Variants in NAALADL2 observed in about 807,000 individuals in gnomAD.
NAALADL2 encodes the protein N-acetylated alpha-linked acidic dipeptidase like 2.
In NAALADL2, 76 loss-of-function variants were observed where a neutral mutation model predicts 87.2. The ratio of observed to expected loss-of-function variants is 0.87; its 90% confidence interval spans 0.72 to 1.05. The LOEUF (loss-of-function observed/expected upper bound fraction) is 1.05, where lower values mean the gene tolerates loss of function less well. Ranked by LOEUF, NAALADL2 falls within the 50% of genes least tolerant of loss-of-function variation. NAALADL2 has a pLI of 0.00. For missense variants in NAALADL2, 1,089 were observed against 945.8 expected (o/e 1.15, Z -1.99); for synonymous variants, 354 against 331.0 (o/e 1.07, Z -0.75).
intron 3 of NAALADL2, among the ~76,000 whole-genome samples, chr3:174,775,204 T>G (rs1170364578): frequency 1.3e-5 from 2 of 152,124 alleles, no homozygotes; most frequent in Non-Finnish European, 2.9e-5. Flanking sequence ...TTTTATTATA[T>G]TCACATAGTG....
chr3:175,425,241 G>A (rs75197333), intron 5 of NAALADL2, among the ~76,000 whole-genome samples: 2,411 of 152,150 alleles, frequency 0.016, 72 homozygotes, highest in African/African-American at 0.054. Context: ...AATATGTAAC[G>A]TGAGGTTCTG....
At chr3:175,094,639 A>G (rs1389032623) in intron 1 of NAALADL2, among the ~76,000 whole-genome samples, 1 of 151,798 alleles carries the variant, frequency 6.6e-6, no homozygotes, top group East Asian at 1.9e-4. Context: ...AGATGGAGGG[A>G]GGGAGGGAAA....
At chr3:175,529,295 A>G (rs915063814) in intron 9 of NAALADL2, among the ~76,000 whole-genome samples, 1 of 152,180 alleles carries the variant, frequency 6.6e-6, no homozygotes, top group Non-Finnish European at 1.5e-5. Flanking sequence ...CCAGATGGCA[A>G]TCTTAACTTC....
At chr3:175,166,935 C>G (rs1472989278) in intron 2 of NAALADL2, among the ~76,000 whole-genome samples, 1 of 152,048 alleles carries the variant, frequency 6.6e-6, no homozygotes, top group Non-Finnish European at 1.5e-5. Flanking sequence ...TAACTCACCT[C>G]TAATCAATCA....
intron 11 of NAALADL2, chr3:175,674,953 A>G (rs1560957021): frequency 6.6e-6 from 1 of 152,224 alleles, no homozygotes; most frequent in Admixed American, 6.5e-5. Context: ...GAAGCAAAGT[A>G]TAATACTGCT....
chr3:175,657,832 TC>T (rs2149804011), intron 11 of NAALADL2, among the ~76,000 whole-genome samples: 1 of 152,154 alleles, frequency 6.6e-6, no homozygotes, highest in Non-Finnish European at 1.5e-5. Context: ...CGTCTCAGCC[TC>T]CCAAAGTGCT....
At chr3:175,013,105 TATTTATATATAAATATAC>T (rs1750173854) in intron 1 of NAALADL2, among the ~76,000 whole-genome samples, 1 of 4,886 alleles carries the variant, frequency 2.0e-4, no homozygotes, top group Non-Finnish European at 3.0e-4. Flanking sequence ...TAAATATACA[TATTTATATATAAATATAC>T]ATATTTATAT....
intron 11 of NAALADL2, among the ~76,000 whole-genome samples, chr3:175,691,743 A>G (rs1487398166): frequency 6.6e-6 from 1 of 152,040 alleles, no homozygotes; most frequent in East Asian, 1.9e-4. Flanking sequence ...ATATATTAAG[A>G]TTTTTCTAAT....
intron 5 of NAALADL2, among the ~76,000 whole-genome samples, chr3:175,338,733 C>A (rs890537544): frequency 2.6e-5 from 4 of 151,042 alleles, no homozygotes; most frequent in Non-Finnish European, 5.9e-5. Flanking sequence ...GCAAAACCAC[C>A]CACTAAAGTG....
chr3:175,339,524 T>C (rs1362967607), intron 5 of NAALADL2, among the ~76,000 whole-genome samples: 2 of 152,218 alleles, frequency 1.3e-5, no homozygotes, highest in African/African-American at 2.4e-5. Flanking sequence ...GAATGATGTC[T>C]TATATTTGTC....
intron 11 of NAALADL2, among the ~76,000 whole-genome samples, chr3:175,656,335 T>G (rs1352672194): frequency 6.6e-6 from 1 of 152,182 alleles, no homozygotes; most frequent in East Asian, 1.9e-4. Context: ...CTATATAAAA[T>G]TATCTTTCAG....
At chr3:175,432,256 AG>A (rs1177052463) in intron 5 of NAALADL2, among the ~76,000 whole-genome samples, 1 of 152,000 alleles carries the variant, frequency 6.6e-6, no homozygotes, top group African/African-American at 2.4e-5. Flanking sequence ...ATATATGCCA[AG>A]TATCAAGCTC....
At chr3:174,860,101 C>T (rs1013778460) in intron 1 of NAALADL2, among the ~76,000 whole-genome samples, 3 of 152,090 alleles carry the variant, frequency 2.0e-5, no homozygotes, top group Admixed American at 6.6e-5. Context: ...TCACATTTCA[C>T]ATTTTTGGGT....
At chr3:175,513,465 A>T (rs1731435573) in intron 9 of NAALADL2, among the ~76,000 whole-genome samples, 1 of 152,198 alleles carries the variant, frequency 6.6e-6, no homozygotes, top group Admixed American at 6.5e-5. Context: ...TGGTCTAGTG[A>T]TTAGCATATC....
At chr3:174,649,043 C>T (rs1290552554) in intron 2 of NAALADL2, among the ~76,000 whole-genome samples, 1 of 152,118 alleles carries the variant, frequency 6.6e-6, no homozygotes, top group African/African-American at 2.4e-5. Context: ...TCACTGCAAC[C>T]TCTGCCTCCC....
intron 3 of NAALADL2, among the ~76,000 whole-genome samples, chr3:174,826,911 T>C (rs946211210): frequency 3.9e-5 from 6 of 152,170 alleles, no homozygotes; most frequent in African/African-American, 1.4e-4. Context: ...TCTTTGGTTA[T>C]AAATAACAAA....
chr3:174,488,832 C>A (rs532074618), intron 1 of NAALADL2, among the ~76,000 whole-genome samples: 4 of 151,964 alleles, frequency 2.6e-5, no homozygotes, highest in Non-Finnish European at 4.4e-5. Context: ...AGACACCCCC[C>A]CTAACCTTTG....
At chr3:174,836,924 A>C (rs1029166381) in intron 3 of NAALADL2, among the ~76,000 whole-genome samples, 6 of 152,136 alleles carry the variant, frequency 3.9e-5, no homozygotes, top group African/African-American at 7.2e-5. Flanking sequence ...CTTGGGTTCA[A>C]CAAATATGTA....
intron 3 of NAALADL2, among the ~76,000 whole-genome samples, chr3:174,841,890 C>G (rs936975501): frequency 6.6e-6 from 1 of 152,008 alleles, no homozygotes; most frequent in Non-Finnish European, 1.5e-5. Flanking sequence ...CCTTTCATGC[C>G]TTCCTTAGCA....
Sources: gnomAD v4.1 joint callset for allele counts (sites outside exome capture counted in the v4.1 genomes callset) on GRCh38, gnomAD v4.1.1 for gene constraint, MANE v1.5 for transcripts, NCBI Gene and HGNC (gene_info 2026-07-23, HGNC 2026-07-21) for gene names.